DGKI: variants seen among roughly 807,000 people sequenced by gnomAD.
DGKI encodes DAG kinase iota.
DGKI carries 55 observed loss-of-function variants against 147.5 expected under a neutral mutation model. The observed-to-expected ratio is 0.37, with a 90% CI of 0.30 to 0.47. The LOEUF is 0.47. Ranked by LOEUF, DGKI falls within the 20% of genes least tolerant of loss-of-function variation. DGKI has a pLI of 1.00. For missense variants in DGKI, 1,007 were observed against 1,323.8 expected (o/e 0.76, Z 3.71); for synonymous variants, 469 against 477.1 (o/e 0.98, Z 0.22).
chr7:137,563,937 T>A (rs1646400), intron 19 of DGKI, among the ~76,000 whole-genome samples: 16,630 of 152,096 alleles, frequency 0.11, 2,043 homozygotes, highest in African/African-American at 0.3. Flanking sequence ...CAGATTCTAA[T>A]ATTTATATGC....
Position 137,384,969 on chromosome 7 carries a change from G to A in DGKI, c.*6251C>T, listed in dbSNP as rs1811142351. On this transcript the variant is annotated 3_prime_UTR_variant, in exon 33 of 33. Coordinates refer to ENST00000614521, the MANE Select transcript of DGKI (RefSeq NM_001321708.2). The stretch of plus-strand genomic sequence containing the variant: ...CCACGCTGGTGGCAGAAGCCAAAGA[G>A]TTTTCCATGATTGCCTTTCATGTAC... 6.6e-6 allele frequency: 1 copy of A among 152,058 alleles called. No individual in the cohort carries two copies. Among genetic ancestry groups the A allele is most frequent in the African/African-American group, 2.4e-5 (1 of 41,434 alleles). The allele number at this position is 152,058 out of a possible 1,614,324, so 9.4% of individuals were successfully genotyped here.
At chr7:137,835,170 A>G (rs1039323661) in intron 1 of DGKI, among the ~76,000 whole-genome samples, 1 of 152,206 alleles carries the variant, frequency 6.6e-6, no homozygotes, top group Non-Finnish European at 1.5e-5. Context: ...TAAATTACCC[A>G]GAGTATTTCA....
intron 1 of DGKI, among the ~76,000 whole-genome samples, chr7:137,701,304 C>T (rs1041552334): frequency 5.9e-5 from 9 of 152,242 alleles, no homozygotes; most frequent in Non-Finnish European, 1.5e-5. Flanking sequence ...CTGCCCTCAC[C>T]ACTTTTATTC....
chr7:137,626,698 G>A (rs1456741452), intron 6 of DGKI, among the ~76,000 whole-genome samples: 1 of 152,202 alleles, frequency 6.6e-6, no homozygotes, highest in Non-Finnish European at 1.5e-5. Context: ...GAAAAGAGCA[G>A]CAGAAGCCGG....
chr7:137,624,974 G>A (rs1451322856), intron 6 of DGKI, among the ~76,000 whole-genome samples: 3 of 152,090 alleles, frequency 2.0e-5, no homozygotes, highest in Admixed American at 6.6e-5. Flanking sequence ...TTCTGTATGT[G>A]GACAGACAAC....
At chr7:137,696,536 T>A (rs1467572552) in intron 1 of DGKI, among the ~76,000 whole-genome samples, 1 of 149,792 alleles carries the variant, frequency 6.7e-6, no homozygotes, top group African/African-American at 2.5e-5. Flanking sequence ...AGACAGGATT[T>A]AATTCCCAAG....
At chr7:137,495,576 C>T (rs2128939899) in intron 21 of DGKI, among the ~76,000 whole-genome samples, 1 of 148,522 alleles carries the variant, frequency 6.7e-6, no homozygotes, top group Non-Finnish European at 1.5e-5. Flanking sequence ...TACTAGCAAA[C>T]CAAATCCAGC....
chr7:137,549,994 A>G (rs1817990644), intron 20 of DGKI, among the ~76,000 whole-genome samples: 3 of 152,170 alleles, frequency 2.0e-5, no homozygotes, highest in Admixed American at 2.0e-4. Context: ...GTACTAATAA[A>G]GATTTTTGTT....
intron 1 of DGKI, among the ~76,000 whole-genome samples, chr7:137,769,673 C>T (rs36198894): frequency 2.3e-4 from 35 of 152,128 alleles, no homozygotes; most frequent in Non-Finnish European, 4.7e-4. Flanking sequence ...AGGATATGAA[C>T]AGACACTTCT....
chr7:137,491,992 A>C (rs1054855721), intron 21 of DGKI, among the ~76,000 whole-genome samples: 4 of 152,248 alleles, frequency 2.6e-5, no homozygotes, highest in African/African-American at 9.6e-5. Flanking sequence ...ACTTTAGACA[A>C]ATCATCCCAT....
At chr7:137,448,294 G>C (rs1306149987) in intron 27 of DGKI, among the ~76,000 whole-genome samples, 22 of 49,576 alleles carry the variant, frequency 4.4e-4, no homozygotes, top group Middle Eastern at 0.017. Flanking sequence ...TCCCAAACTA[G>C]AAGCTCAAAA....
In DGKI at chr7:137,498,899, C is replaced by A. The variant is rs370427745; in HGVS notation, c.2249-11210G>T. Among the ~76,000 whole-genome samples, 12 of 152,222 alleles carry A rather than the reference C, an allele frequency of 7.9e-5. No individual in the cohort carries two copies. The South Asian group carries it at 2.3e-3, about 29-fold the overall frequency. ...AGCCTATTCCCTGTGATAATATATTCATTTGATAGCTAGAACTCAACTTAA... is the reference window on the plus strand; with the variant it reads ...AGCCTATTCCCTGTGATAATATATTAATTTGATAGCTAGAACTCAACTTAA... On this transcript the variant is annotated intron_variant, in intron 21 of 32. Transcript: ENST00000614521.
At chr7:137,569,603 C>T (rs1195729147) in intron 19 of DGKI, among the ~76,000 whole-genome samples, 2 of 151,244 alleles carry the variant, frequency 1.3e-5, no homozygotes, top group African/African-American at 2.4e-5. Flanking sequence ...GTGGTGGGCG[C>T]CTGTAGTCCC....
chr7:137,752,533 C>T (rs1172415399), intron 1 of DGKI, among the ~76,000 whole-genome samples: 2 of 152,172 alleles, frequency 1.3e-5, no homozygotes, highest in Non-Finnish European at 2.9e-5. Context: ...AGCCCAGCGC[C>T]GCACCTTGGG....
At chr7:137,838,507 A>T (rs565772284) in intron 1 of DGKI, among the ~76,000 whole-genome samples, 20 of 152,020 alleles carry the variant, frequency 1.3e-4, no homozygotes, top group East Asian at 5.8e-4. Context: ...TTTTTTTTTT[A>T]AAAAAGCAAA....
chr7:137,429,104 A>C (rs1246310983), intron 28 of DGKI, among the ~76,000 whole-genome samples: 1 of 152,212 alleles, frequency 6.6e-6, no homozygotes, highest in Non-Finnish European at 1.5e-5. Flanking sequence ...AGTCAATCCT[A>C]AGCCAAAAGA....
intron 9 of DGKI, 97 bp downstream of exon 9, chr7:137,609,438 T>A (rs1470749624): frequency 6.9e-6 from 6 of 865,668 alleles, no homozygotes; most frequent in Non-Finnish European, 5.6e-6. Context: ...TAGTAGAAGA[T>A]AGATCAGAAA....
At chr7:137,675,017 C>A (rs1822981461) in intron 3 of DGKI, among the ~76,000 whole-genome samples, 1 of 152,198 alleles carries the variant, frequency 6.6e-6, no homozygotes, top group Non-Finnish European at 1.5e-5. Context: ...CCAGCCCCAA[C>A]AGGTAGGCTT....
intron 20 of DGKI, among the ~76,000 whole-genome samples, chr7:137,551,709 C>A (rs956099327): frequency 2.6e-5 from 4 of 152,186 alleles, no homozygotes; most frequent in Admixed American, 2.6e-4. Flanking sequence ...TACCTTACCT[C>A]AAGTCAGTTT....
Sources: allele counts gnomAD v4.1 joint callset (sites outside exome capture counted in the v4.1 genomes callset), GRCh38; gene constraint gnomAD v4.1.1; transcripts MANE v1.5; gene names NCBI Gene and HGNC (gene_info 2026-07-23, HGNC 2026-07-21).